Variants in SLC39A11 observed in about 807,000 individuals in gnomAD.
SLC39A11 encodes solute carrier family 39 member 11.
A neutral mutation model predicts 36.1 loss-of-function variants in SLC39A11; 33 were observed. That is an observed-to-expected ratio of 0.91 (90% CI 0.69 to 1.22). The LOEUF is 1.22. Among genes scored for constraint, SLC39A11 ranks in the 50% most tolerant of loss-of-function variants. The pLI, the probability that SLC39A11 is intolerant of heterozygous loss-of-function variation, is 0.00. For synonymous variants in SLC39A11, 166 were observed against 170.3 expected (o/e 0.97, Z 0.20); for missense variants, 432 against 430.3 (o/e 1.00, Z -0.03).
chr17:72,708,966 C>T (rs1263350043), intron 7 of SLC39A11, among the ~76,000 whole-genome samples: 5 of 149,304 alleles, frequency 3.3e-5, no homozygotes, highest in South Asian at 2.1e-4. Flanking sequence ...GACGGAGTCT[C>T]GCGCTGTTGC....
intron 6 of SLC39A11, among the ~76,000 whole-genome samples, chr17:72,777,909 T>G (rs200210150): frequency 0.017 from 2,268 of 133,490 alleles, 65 homozygotes; most frequent in African/African-American, 0.056. Context: ...ACGTACATAC[T>G]TACTTACTTA....
rs185654584 is a variant in SLC39A11, at chr17:73,048,321, G to A, written c.148-16607C>T. ...TCTGTTTCTGTGTTAATTCGCTTAG[G>A]ATAATGGCCTCCAGCTCCATCCATG... On this transcript the variant is annotated intron_variant, in intron 3 of 9. Transcript: ENST00000255559. Among the ~76,000 whole-genome samples the A allele has an allele frequency of 8.0e-3, 1,222 of 152,134 alleles. 9 individuals carry two copies. The highest frequency in any genetic ancestry group is 0.014 in the Non-Finnish European group (929 of 67,994).
intron 5 of SLC39A11, among the ~76,000 whole-genome samples, chr17:72,946,389 G>A (rs979350027): frequency 1.3e-5 from 2 of 152,230 alleles, no homozygotes; most frequent in Non-Finnish European, 2.9e-5. Flanking sequence ...AATAATTCAT[G>A]CAGGACATAA....
intron 4 of SLC39A11, among the ~76,000 whole-genome samples, chr17:72,979,689 T>C (rs569692904): frequency 1.3e-5 from 2 of 152,130 alleles, no homozygotes; most frequent in Non-Finnish European, 2.9e-5. Context: ...GAGGCTGCTC[T>C]GCAGAGCTCA....
chr17:72,736,173 C>T (rs1460937381), intron 7 of SLC39A11, among the ~76,000 whole-genome samples: 4 of 152,146 alleles, frequency 2.6e-5, no homozygotes, highest in African/African-American at 9.7e-5. Context: ...GCTCTGGATA[C>T]AGGTCCCTGG....
intron 2 of SLC39A11, among the ~76,000 whole-genome samples, chr17:73,087,743 AG>A (rs1329803433): frequency 1.3e-5 from 2 of 152,054 alleles, no homozygotes; most frequent in Non-Finnish European, 2.9e-5. Context: ...ACAGTGAGTG[AG>A]GGCACTGGGA....
intron 6 of SLC39A11, among the ~76,000 whole-genome samples, chr17:72,800,321 T>TTTTG (rs2077042316): frequency 6.8e-6 from 1 of 147,310 alleles, no homozygotes; most frequent in Non-Finnish European, 1.5e-5. Flanking sequence ...TTTTTTTTTT[T>TTTTG]TTTTTTTGAG....
rs1266549200 is a variant in SLC39A11 at position 73,030,959 on chromosome 17, T to G, written c.306+597A>C. Among the ~76,000 whole-genome samples, 16 of 152,232 alleles carry G rather than the reference T, an allele frequency of 1.1e-4. 1 individual carries two copies. Among genetic ancestry groups the G allele is most frequent in the Non-Finnish European group, 1.6e-4 (11 of 68,052 alleles). On this transcript the variant is annotated intron_variant, in intron 4 of 9. Transcript: ENST00000255559. ...GTAAAAAAGCCTGAAATCTCTGGCT[T>G]ATCCCCAATTCCAGTGCATTTTTAC...
At chr17:73,054,362 A>G (rs1182999422) in intron 3 of SLC39A11, among the ~76,000 whole-genome samples, 1 of 149,898 alleles carries the variant, frequency 6.7e-6, no homozygotes, top group Admixed American at 6.6e-5. Context: ...TCCATCTCGA[A>G]AAAAACAAAA....
At chr17:72,756,134 G>C (rs2075358395) in intron 6 of SLC39A11, among the ~76,000 whole-genome samples, 1 of 152,242 alleles carries the variant, frequency 6.6e-6, no homozygotes, top group Non-Finnish European at 1.5e-5. Flanking sequence ...GTGGAAAACA[G>C]TTTGGTGGCT....
intron 7 of SLC39A11, among the ~76,000 whole-genome samples, chr17:72,665,601 TTGTCTTGAATTCCTGGGCC>T (rs1159701034): frequency 2.0e-5 from 3 of 151,842 alleles, no homozygotes; most frequent in Admixed American, 6.6e-5. Flanking sequence ...TTTCCCCGGC[TTGTCTTGAATTCCTGGGCC>T]CAAGTGATTC....
intron 6 of SLC39A11, among the ~76,000 whole-genome samples, chr17:72,761,654 C>T (rs2075581434): frequency 1.3e-5 from 2 of 152,182 alleles, no homozygotes; most frequent in Admixed American, 1.3e-4. Flanking sequence ...CAACCTGGGT[C>T]ATACAACGTT....
intron 4 of SLC39A11, among the ~76,000 whole-genome samples, chr17:72,996,763 A>T (rs1040994451): frequency 2.0e-5 from 3 of 152,134 alleles, no homozygotes; most frequent in African/African-American, 7.2e-5. Flanking sequence ...TCCAAGAAAC[A>T]TATATTTTGG....
chr17:72,649,048 A>G, intron 8 of SLC39A11, 87 bp from the exon 9 acceptor site: 2 of 1,550,026 alleles, frequency 1.3e-6, no homozygotes, highest in South Asian at 1.2e-5. Flanking sequence ...ACCCTAGCAC[A>G]TGGATGCATG....
intron 5 of SLC39A11, among the ~76,000 whole-genome samples, chr17:72,923,733 G>A (rs1464561039): frequency 1.3e-5 from 2 of 152,112 alleles, no homozygotes; most frequent in Non-Finnish European, 2.9e-5. Flanking sequence ...ATAAAGAGAC[G>A]AGCTCAGAAA....
intron 4 of SLC39A11, among the ~76,000 whole-genome samples, chr17:72,961,802 G>A (rs527904562): frequency 1.3e-5 from 2 of 152,240 alleles, no homozygotes; most frequent in Admixed American, 6.5e-5. Flanking sequence ...ATGAGTTGAT[G>A]GGTGCAGCAA....
At chr17:72,759,496 A>C (rs2075492144) in intron 6 of SLC39A11, among the ~76,000 whole-genome samples, 1 of 152,236 alleles carries the variant, frequency 6.6e-6, no homozygotes, top group African/African-American at 2.4e-5. Context: ...TCATGACAGC[A>C]TGTGAAAAAG....
intron 3 of SLC39A11, among the ~76,000 whole-genome samples, chr17:73,057,431 A>C (rs1025219126): frequency 6.6e-6 from 1 of 152,006 alleles, no homozygotes; most frequent in African/African-American, 2.4e-5. Flanking sequence ...CCTTTTCTCT[A>C]TCTTTCTATC....
At chr17:72,838,663 G>C (rs138910388) in intron 6 of SLC39A11, among the ~76,000 whole-genome samples, 1 of 152,284 alleles carries the variant, frequency 6.6e-6, no homozygotes, top group East Asian at 1.9e-4. Context: ...AGTGAGCGTG[G>C]GGATGAGAAA....
Sources: gnomAD v4.1 joint callset for allele counts (sites outside exome capture counted in the v4.1 genomes callset) on GRCh38, gnomAD v4.1.1 for gene constraint, MANE v1.5 for transcripts, NCBI Gene and HGNC (gene_info 2026-07-23, HGNC 2026-07-21) for gene names.